Variants in FRMD3 observed in about 807,000 individuals in gnomAD.
FRMD3 encodes FERM domain-containing protein 3.
Under a neutral mutation model 70.2 loss-of-function variants are expected in FRMD3, and 33 were observed. The ratio of observed to expected loss-of-function variants is 0.47; its 90% CI spans 0.36 to 0.63. The LOEUF (loss-of-function observed/expected upper bound fraction) is 0.63. Among genes scored for constraint, FRMD3 ranks in the 20% least tolerant of loss-of-function variants. The probability of loss-of-function intolerance (pLI) is 0.00; values close to 1 mark genes in which losing one functional copy is unlikely to be tolerated. For synonymous variants in FRMD3, 279 were observed against 255.9 expected (o/e 1.09, Z -0.86); for missense variants, 632 against 711.4 (o/e 0.89, Z 1.27).
chr9:83,288,767 C>G (rs1312607582), intron 13 of FRMD3, among the ~76,000 whole-genome samples: 2 of 152,170 alleles, frequency 1.3e-5, no homozygotes, highest in African/African-American at 4.8e-5. Flanking sequence ...ATGTCAAAAA[C>G]ACACCTAATA....
At chr9:83,572,078 A>G in the FRMD3 span, among the ~76,000 whole-genome samples, 38,714 of 152,032 alleles carry the variant, frequency 0.25, 7,305 homozygotes, top group African/African-American at 0.54. Flanking sequence ...GAGAACCACT[A>G]GACTCACAGA....
At chr9:83,392,953 G>C (rs1825707580) in intron 1 of FRMD3, among the ~76,000 whole-genome samples, 1 of 152,180 alleles carries the variant, frequency 6.6e-6, no homozygotes, top group Non-Finnish European at 1.5e-5. Context: ...AAATTCTTCA[G>C]AGCTGTTACC....
the FRMD3 span, among the ~76,000 whole-genome samples, chr9:83,558,062 G>A: frequency 6.6e-6 from 1 of 152,138 alleles, no homozygotes; most frequent in African/African-American, 2.4e-5. Flanking sequence ...ATATCAGAAT[G>A]TATTGGCATT....
intron 1 of FRMD3, among the ~76,000 whole-genome samples, chr9:83,483,638 C>T (rs1828619826): frequency 6.6e-6 from 1 of 152,100 alleles, no homozygotes; most frequent in Admixed American, 6.6e-5. Context: ...TGGGAGTTAT[C>T]GCTTGAGACC....
chr9:83,354,234 T>A (rs1824263913), intron 3 of FRMD3, among the ~76,000 whole-genome samples: 1 of 152,132 alleles, frequency 6.6e-6, no homozygotes, highest in Admixed American at 6.5e-5. Context: ...CCAAAAATTC[T>A]GTCTTATGGA....
the FRMD3 span, among the ~76,000 whole-genome samples, chr9:83,571,478 T>C: frequency 1.3e-5 from 2 of 152,244 alleles, no homozygotes; most frequent in Non-Finnish European, 2.9e-5. Flanking sequence ...ATGAAAATAG[T>C]GACGACTGCA....
chr9:83,371,388 C>G (rs556795713), intron 3 of FRMD3, among the ~76,000 whole-genome samples: 1 of 151,900 alleles, frequency 6.6e-6, no homozygotes, highest in East Asian at 1.9e-4. Context: ...ATGATCTCTG[C>G]TCACTGCAAC....
intron 13 of FRMD3, among the ~76,000 whole-genome samples, chr9:83,271,115 A>G (rs543534214): frequency 6.6e-6 from 1 of 152,306 alleles, no homozygotes; most frequent in South Asian, 2.1e-4. Flanking sequence ...CTGACATGGA[A>G]TAGGCATTTA....
chr9:83,396,046 T>A (rs1320724156), intron 1 of FRMD3, among the ~76,000 whole-genome samples: 1 of 152,200 alleles, frequency 6.6e-6, no homozygotes, highest in Admixed American at 6.5e-5. Context: ...ATTGGGGTAG[T>A]TAATATTCTC....
At chr9:83,336,285 A>G (rs893959804) in intron 5 of FRMD3, among the ~76,000 whole-genome samples, 3 of 152,174 alleles carry the variant, frequency 2.0e-5, no homozygotes, top group Admixed American at 2.0e-4. Context: ...TCAAAACATC[A>G]GGTTGTATAC....
rs140032847 is a variant in FRMD3, at chr9:83,497,458, G to A, written c.147+40627C>T. On this transcript the variant is annotated intron_variant, in intron 1 of 13. Coordinates refer to ENST00000304195, the MANE Select transcript of FRMD3 (RefSeq NM_174938.6). ...GCCTCCCAAATTACTTCTAAGTGGC[G>A]TAATGGAAATAGCTTACAATTTCAA... Among the ~76,000 whole-genome samples the A allele has an allele frequency of 3.3e-5, 5 of 152,182 alleles. 1 individual carries two copies. Among genetic ancestry groups the A allele is most frequent in the Non-Finnish European group, 5.9e-5 (4 of 68,034 alleles).
intron 1 of FRMD3, among the ~76,000 whole-genome samples, chr9:83,418,544 C>T (rs1056362454): frequency 6.6e-6 from 1 of 152,148 alleles, no homozygotes; most frequent in Non-Finnish European, 1.5e-5. Flanking sequence ...CATCACTAAT[C>T]ATCAGGGAAT....
At chr9:83,254,114 A>C (rs1031263204) in intron 13 of FRMD3, among the ~76,000 whole-genome samples, 3 of 142,418 alleles carry the variant, frequency 2.1e-5, no homozygotes. Flanking sequence ...GGGGCCTGTC[A>C]TGGGGTAGGG....
the FRMD3 span, among the ~76,000 whole-genome samples, chr9:83,565,691 T>C: frequency 6.6e-6 from 1 of 152,242 alleles, no homozygotes; most frequent in Non-Finnish European, 1.5e-5. Context: ...TGATTAGTAA[T>C]AGAGAATTAA....
the FRMD3 span, among the ~76,000 whole-genome samples, chr9:83,573,225 G>A: frequency 6.6e-6 from 1 of 151,242 alleles, no homozygotes; most frequent in Non-Finnish European, 1.5e-5. Flanking sequence ...CAAAAAAAAG[G>A]AAGAAGATTC....
chr9:83,279,862 G>C (rs372284899), intron 13 of FRMD3, among the ~76,000 whole-genome samples: 1 of 152,098 alleles, frequency 6.6e-6, no homozygotes, highest in African/African-American at 2.4e-5. Flanking sequence ...TTAATACCTA[G>C]GTGAGGTAAT....
chr9:83,568,141 G>A, the FRMD3 span, among the ~76,000 whole-genome samples: 2 of 152,196 alleles, frequency 1.3e-5, no homozygotes, highest in African/African-American at 2.4e-5. Context: ...AGCAGCAAGT[G>A]AAAATGGGGA....
chr9:83,338,768 A>C (rs1318931042), intron 5 of FRMD3, among the ~76,000 whole-genome samples: 1 of 152,204 alleles, frequency 6.6e-6, no homozygotes, highest in Non-Finnish European at 1.5e-5. Flanking sequence ...GGAAATGGAG[A>C]ATAATGGAAA....
At chr9:83,574,776 A>G in the FRMD3 span, among the ~76,000 whole-genome samples, 1 of 152,146 alleles carries the variant, frequency 6.6e-6, no homozygotes, top group Non-Finnish European at 1.5e-5. Context: ...GAGGACCTAG[A>G]AAAAGGGGTA....
Sources: allele counts gnomAD v4.1 joint callset (sites outside exome capture counted in the v4.1 genomes callset), GRCh38; gene constraint gnomAD v4.1.1; transcripts MANE v1.5; gene names NCBI Gene and HGNC (gene_info 2026-07-23, HGNC 2026-07-21).